MCTP1: variants seen among roughly 807,000 people sequenced by gnomAD.
MCTP1 encodes multiple C2 and transmembrane domain-containing protein 1.
Under a neutral mutation model 120.6 loss-of-function variants are expected in MCTP1, and 69 were observed. The observed-to-expected ratio is 0.57, with a 90% CI of 0.47 to 0.70. The LOEUF (loss-of-function observed/expected upper bound fraction) is 0.70, where lower values mean the gene tolerates loss of function less well. Ranked by LOEUF, MCTP1 falls within the 30% of genes least tolerant of loss-of-function variation. The pLI is 0.00. For synonymous variants in MCTP1, 529 were observed against 493.1 expected (o/e 1.07, Z -0.96); for missense variants, 1,203 against 1,248.8 (o/e 0.96, Z 0.55).
chr5:95,040,442 C>CA (rs546825835), intron 1 of MCTP1, among the ~76,000 whole-genome samples: 2,556 of 108,530 alleles, frequency 0.024, 65 homozygotes, highest in African/African-American at 0.075. Context: ...GACTCTGTCT[C>CA]AAAAAAAAAA....
At chr5:95,011,368 A>G (rs1835902995) in intron 2 of MCTP1, among the ~76,000 whole-genome samples, 1 of 151,908 alleles carries the variant, frequency 6.6e-6, no homozygotes, top group Non-Finnish European at 1.5e-5. Flanking sequence ...TATTTCTTCA[A>G]TTATTTATCA....
intron 1 of MCTP1, among the ~76,000 whole-genome samples, chr5:95,141,711 C>G (rs919498594): frequency 6.6e-6 from 1 of 152,082 alleles, no homozygotes; most frequent in Non-Finnish European, 1.5e-5. Context: ...TCCCTCCCTC[C>G]CTTCCTTCCT....
intron 1 of MCTP1, among the ~76,000 whole-genome samples, chr5:95,199,878 A>AT: frequency 6.8e-6 from 1 of 147,702 alleles, no homozygotes; most frequent in East Asian, 2.0e-4. Context: ...AAAAAAAAAA[A>AT]GGCCAGGCAC....
chr5:95,179,374 T>C (rs368556978), intron 1 of MCTP1, among the ~76,000 whole-genome samples: 91 of 152,302 alleles, frequency 6.0e-4, no homozygotes, highest in African/African-American at 2.0e-3. Flanking sequence ...TCTAGGCACA[T>C]AGTCATCAGG....
At chr5:94,981,648 G>A (rs776338595) in intron 2 of MCTP1, among the ~76,000 whole-genome samples, 1 of 152,158 alleles carries the variant, frequency 6.6e-6, no homozygotes, top group Non-Finnish European at 1.5e-5. Flanking sequence ...GGGTAAAGGC[G>A]TGGTGGTCAG....
chr5:94,763,360 G>A (rs956795008), intron 19 of MCTP1, among the ~76,000 whole-genome samples: 3 of 152,098 alleles, frequency 2.0e-5, no homozygotes, highest in African/African-American at 7.2e-5. Context: ...TAGATTTCTA[G>A]TGTCATTTCC....
At chr5:94,716,750 A>T (rs1007550806) in intron 19 of MCTP1, among the ~76,000 whole-genome samples, 2 of 145,960 alleles carry the variant, frequency 1.4e-5, no homozygotes, top group Non-Finnish European at 3.0e-5. Flanking sequence ...GAAATATATA[A>T]AAAGTTTTTT....
At chr5:94,719,135 C>T (rs1283358140) in intron 19 of MCTP1, among the ~76,000 whole-genome samples, 1 of 152,126 alleles carries the variant, frequency 6.6e-6, no homozygotes, top group Non-Finnish European at 1.5e-5. Context: ...GTCAGAATGG[C>T]TATTATTAAA....
At chr5:94,711,854 A>T (rs1269206938) in intron 20 of MCTP1, among the ~76,000 whole-genome samples, 1 of 152,180 alleles carries the variant, frequency 6.6e-6, no homozygotes, top group Non-Finnish European at 1.5e-5. Flanking sequence ...GGGAACTGGA[A>T]CATGGGAAGA....
intron 12 of MCTP1, among the ~76,000 whole-genome samples, chr5:94,874,954 T>A (rs1327217665): frequency 6.6e-6 from 1 of 152,148 alleles, no homozygotes; most frequent in Non-Finnish European, 1.5e-5. Flanking sequence ...CTGGGTAATG[T>A]TTTGACTGTC....
chr5:95,236,448 C>G (rs550665397), intron 1 of MCTP1, among the ~76,000 whole-genome samples: 6 of 152,224 alleles, frequency 3.9e-5, no homozygotes, highest in African/African-American at 1.4e-4. Flanking sequence ...CTTTTCAGAT[C>G]CTGGAAAAAA....
intron 3 of MCTP1, among the ~76,000 whole-genome samples, chr5:94,945,263 C>T (rs533044064): frequency 6.6e-6 from 1 of 152,276 alleles, no homozygotes; most frequent in East Asian, 1.9e-4. Context: ...GACTTGGTAA[C>T]ACCTTCTGCA....
chr5:95,017,390 C>CTT lies in MCTP1; in HGVS notation c.813_814dup (p.Ser272LysfsTer3). On this transcript the variant is annotated frameshift_variant, in exon 2 of 23. Transcript: ENST00000515393. LOFTEE classifies it high-confidence loss of function. ...ACCTCCTCGATCTCGAGCAGCTAAA[C>CTT]TTTGACCCCTTCTTAATGTAATGTC... The CTT allele has an allele frequency of 6.2e-7, 1 of 1,609,106 alleles. No homozygotes were observed. The highest frequency in any genetic ancestry group is 8.5e-7 in the Non-Finnish European group (1 of 1,176,874).
chr5:94,928,972 C>A (rs931998519), intron 6 of MCTP1, among the ~76,000 whole-genome samples: 5 of 151,980 alleles, frequency 3.3e-5, no homozygotes, highest in Non-Finnish European at 7.4e-5. Context: ...ATAAGATTTC[C>A]ATTGAAAGAG....
chr5:95,125,056 T>G (rs1332118522), intron 1 of MCTP1, among the ~76,000 whole-genome samples: 2 of 152,170 alleles, frequency 1.3e-5, no homozygotes, highest in Non-Finnish European at 2.9e-5. Context: ...GCAAAACATT[T>G]TAAGGGTCAA....
intron 19 of MCTP1, among the ~76,000 whole-genome samples, chr5:94,715,129 G>A (rs938702231): frequency 6.6e-6 from 1 of 151,994 alleles, no homozygotes; most frequent in Non-Finnish European, 1.5e-5. Flanking sequence ...GGGTTCCTTT[G>A]CTCTTGCCCT....
chr5:94,784,526 G>C (rs766879995), intron 18 of MCTP1, among the ~76,000 whole-genome samples: 2 of 151,972 alleles, frequency 1.3e-5, no homozygotes, highest in Admixed American at 1.3e-4. Flanking sequence ...AGAAACTTTT[G>C]CAAACTGGTA....
chr5:94,790,190 C>T (rs116510231), intron 18 of MCTP1, among the ~76,000 whole-genome samples: 274 of 152,268 alleles, frequency 1.8e-3, no homozygotes, highest in Non-Finnish European at 3.4e-3. Flanking sequence ...GAAAGTAAGA[C>T]TCAGGTGTGT....
At chr5:95,174,049 G>A (rs1389119367) in intron 1 of MCTP1, among the ~76,000 whole-genome samples, 1 of 152,160 alleles carries the variant, frequency 6.6e-6, no homozygotes, top group Admixed American at 6.5e-5. Flanking sequence ...GGTCAATCAA[G>A]AAGGCCCAAT....
Sources: allele counts gnomAD v4.1 joint callset (sites outside exome capture counted in the v4.1 genomes callset), GRCh38; gene constraint gnomAD v4.1.1; transcripts MANE v1.5; gene names NCBI Gene and HGNC (gene_info 2026-07-23, HGNC 2026-07-21).